USP15: variants seen among roughly 807,000 people sequenced by gnomAD.
The protein encoded by USP15 is ubiquitin specific peptidase 15.
Under a neutral mutation model 127.1 loss-of-function variants are expected in USP15, and 18 were observed. The ratio of observed to expected loss-of-function variants is 0.14; its 90% CI spans 0.10 to 0.21. The LOEUF (loss-of-function observed/expected upper bound fraction) is 0.21, where lower values mean the gene tolerates loss of function less well. Ranked by LOEUF, USP15 falls within the 10% of genes least tolerant of loss-of-function variation. The pLI is 1.00. For synonymous variants in USP15, 364 were observed against 393.7 expected, an observed-to-expected ratio of 0.92 and a Z score of 0.89; for missense variants, 805 against 1,159.9, an observed-to-expected ratio of 0.69 and a Z score of 4.44.
intron 19 of USP15, among the ~76,000 whole-genome samples, chr12:62,394,410 C>T (rs1421268017): frequency 1.3e-5 from 2 of 152,124 alleles, no homozygotes; most frequent in Non-Finnish European, 2.9e-5. Context: ...AAAATATTCA[C>T]TGGATTACTC....
At chr12:62,384,713 T>A (rs2067094774) in intron 11 of USP15, among the ~76,000 whole-genome samples, 1 of 151,972 alleles carries the variant, frequency 6.6e-6, no homozygotes, top group South Asian at 2.1e-4. Context: ...AGTAGTGTAT[T>A]TAAATACCTG....
chr12:62,275,206 A>C (rs566517107), intron 1 of USP15, among the ~76,000 whole-genome samples: 1 of 152,216 alleles, frequency 6.6e-6, no homozygotes, highest in East Asian at 1.9e-4. Flanking sequence ...ATCCAAGTTG[A>C]CATGGACTAA....
chr12:62,278,128 A>G lies in USP15; in HGVS notation c.90-16051A>G, dbSNP rs550092529. On this transcript the variant is annotated intron_variant, in intron 1 of 21. Coordinates refer to ENST00000280377, the MANE Select transcript of USP15 (RefSeq NM_001252078.2). Reference sequence around the variant, plus strand: ...TTTTTTGCCGTAAACTAAGAGACAAACACACATTAACCTAGGCCTGCACAG... The same window carrying G: ...TTTTTTGCCGTAAACTAAGAGACAAGCACACATTAACCTAGGCCTGCACAG... Among the ~76,000 whole-genome samples, 5 of 152,244 alleles carry G rather than the reference A, an allele frequency of 3.3e-5. No homozygotes were observed. In the East Asian group the frequency reaches 5.8e-4, roughly 18 times the overall value.
intron 1 of USP15, among the ~76,000 whole-genome samples, chr12:62,279,332 T>C (rs2063584909): frequency 6.6e-6 from 1 of 152,176 alleles, no homozygotes; most frequent in Non-Finnish European, 1.5e-5. Context: ...CAGGATTTTC[T>C]TTTTTCAGGC....
intron 3 of USP15, among the ~76,000 whole-genome samples, chr12:62,309,792 CA>C (rs1250173543): frequency 6.6e-6 from 1 of 151,208 alleles, no homozygotes; most frequent in African/African-American, 2.4e-5. Flanking sequence ...AAAATAATCT[CA>C]ATAGAGATAC....
At chr12:62,270,190 A>G (rs2063316033) in intron 1 of USP15, among the ~76,000 whole-genome samples, 1 of 152,024 alleles carries the variant, frequency 6.6e-6, no homozygotes, top group Non-Finnish European at 1.5e-5. Flanking sequence ...GTCTGTCCAG[A>G]TTCTTTGCCC....
chr12:62,322,941 C>T (rs764494970), intron 5 of USP15, among the ~76,000 whole-genome samples: 1 of 152,138 alleles, frequency 6.6e-6, no homozygotes, highest in African/African-American at 2.4e-5. Flanking sequence ...ATGATGTAAA[C>T]GTCTTTGGAG....
chr12:62,302,179 A>T (rs1218565749), intron 2 of USP15, among the ~76,000 whole-genome samples: 1 of 152,154 alleles, frequency 6.6e-6, no homozygotes, highest in Admixed American at 6.6e-5. Context: ...GATTTCTGTC[A>T]TGGTTCCTAG....
At chr12:62,322,861 T>G (rs1399445145) in intron 5 of USP15, among the ~76,000 whole-genome samples, 1 of 152,216 alleles carries the variant, frequency 6.6e-6, no homozygotes, top group East Asian at 1.9e-4. Flanking sequence ...ACTGAGCTGC[T>G]TATAGTTCCC....
chr12:62,353,557 G>A (rs1223890495), intron 7 of USP15, among the ~76,000 whole-genome samples: 3 of 151,926 alleles, frequency 2.0e-5, no homozygotes, highest in Non-Finnish European at 4.4e-5. Flanking sequence ...TGATTTTACA[G>A]CCAGAAGTTT....
chr12:62,362,383 T>C (rs1447146184), intron 8 of USP15, among the ~76,000 whole-genome samples: 1 of 151,782 alleles, frequency 6.6e-6, no homozygotes, highest in Non-Finnish European at 1.5e-5. Flanking sequence ...TCTCATTAAG[T>C]AGCATTAATG....
At chr12:62,338,072 G>T (rs1325972728) in intron 6 of USP15, among the ~76,000 whole-genome samples, 1 of 152,126 alleles carries the variant, frequency 6.6e-6, no homozygotes, top group Non-Finnish European at 1.5e-5. Context: ...TTCCACAATG[G>T]TTGAACTAAT....
chr12:62,323,439 A>G (rs1308593215), intron 5 of USP15, among the ~76,000 whole-genome samples: 2 of 152,220 alleles, frequency 1.3e-5, no homozygotes, highest in Non-Finnish European at 1.5e-5. Flanking sequence ...CTATATGTCA[A>G]GAATTGTACT....
At position 62,264,419 on chromosome 12, in the gene USP15, A is replaced by G. The variant is rs148072818; in HGVS notation, c.89+3916A>G. 2.1e-3 allele frequency among the ~76,000 whole-genome samples: 327 copies of G among 152,316 alleles called. 2 individuals are homozygous for G. The highest frequency in any genetic ancestry group is 7.8e-3 in the African/African-American group (323 of 41,576). ...CTGCCAATCATTTTCAGTAATTTTT[A>G]TGTGTGATTATGTTAAGTGGTAATG... is the stretch of plus-strand genomic sequence containing the variant. On this transcript the variant is annotated intron_variant, in intron 1 of 21. Coordinates refer to ENST00000280377, the MANE Select transcript of USP15 (RefSeq NM_001252078.2).
chr12:62,357,677 T>C (rs912958350), intron 8 of USP15, among the ~76,000 whole-genome samples: 1 of 152,142 alleles, frequency 6.6e-6, no homozygotes, highest in Non-Finnish European at 1.5e-5. Context: ...TTCAAACAAT[T>C]TGGAGAAGAG....
chr12:62,291,361 AT>A (rs2063963201), intron 1 of USP15, among the ~76,000 whole-genome samples: 1 of 152,002 alleles, frequency 6.6e-6, no homozygotes, highest in African/African-American at 2.4e-5. Context: ...TTTCATCTGT[AT>A]TTTGTAAATC....
Position 62,393,216 on chromosome 12 carries a change from G to T in USP15, c.2570+14G>T, listed in dbSNP as rs140147760. ...TTTTCCTATCAAGTAAGCTTTAATTGTACTTTATAAGCATTGGGCAACTCT... is the reference window on the plus strand; with the variant it reads ...TTTTCCTATCAAGTAAGCTTTAATTTTACTTTATAAGCATTGGGCAACTCT... On this transcript the variant is annotated intron_variant, in intron 19 of 21. Transcript: ENST00000280377. 3 of 1,608,760 alleles carry T rather than the reference G, an allele frequency of 1.9e-6. No individual in the cohort carries two copies. In the African/African-American group the frequency reaches 4.0e-5, roughly 22 times the overall value.
chr12:62,271,770 A>T (rs1298317095), intron 1 of USP15, among the ~76,000 whole-genome samples: 1 of 151,920 alleles, frequency 6.6e-6, no homozygotes, highest in African/African-American at 2.4e-5. Flanking sequence ...ATGGTCATGT[A>T]TGTGTATTCT....
intron 5 of USP15, among the ~76,000 whole-genome samples, chr12:62,325,588 T>C (rs1354656884): frequency 6.6e-6 from 1 of 152,116 alleles, no homozygotes; most frequent in East Asian, 1.9e-4. Context: ...TTCTGTTTAC[T>C]TGGTTTAAGT....
Sources: gnomAD v4.1 joint callset for allele counts (sites outside exome capture counted in the v4.1 genomes callset) on GRCh38, gnomAD v4.1.1 for gene constraint, MANE v1.5 for transcripts, NCBI Gene and HGNC (gene_info 2026-07-23, HGNC 2026-07-21) for gene names.